Variants in CCDC160 observed in about 807,000 individuals in gnomAD.
CCDC160 encodes the protein coiled-coil domain-containing protein 160.
For synonymous variants in CCDC160, 94 were observed against 79.4 expected, an observed-to-expected ratio of 1.18 and a Z score of -0.98; for missense variants, 227 against 215.6, an observed-to-expected ratio of 1.05 and a Z score of -0.33.
chrX:134,244,754 TG>T, intron 1 of CCDC160, 22 bp from the exon 3 acceptor site: 1 of 1,118,051 alleles, frequency 8.9e-7, no homozygotes, highest in Non-Finnish European at 1.2e-6. Context: ...GTGCCTGCCT[TG>T]GTTTTAAATT....
At chrX:134,237,579 G>A (rs2077014113) in intron 1 of CCDC160, among the ~76,000 whole-genome samples, 1 of 111,789 alleles carries the variant, frequency 8.9e-6, no homozygotes, top group South Asian at 3.8e-4. Flanking sequence ...GGCCTCTCCC[G>A]CCGCCCGCCA....
chrX:134,244,914 A>C, exon 2 of CCDC160: 2 of 1,206,035 alleles, frequency 1.7e-6, no homozygotes, highest in Non-Finnish European at 2.2e-6. Flanking sequence ...AAACGACTGC[A>C]GATAGCAGCA....
intron 1 of CCDC160, chrX:134,243,332 G>A (rs180808651): frequency 1.3e-6 from 1 of 747,734 alleles, no homozygotes; most frequent in East Asian, 1.5e-4. Flanking sequence ...CCAAGTAGTT[G>A]CCAGTAGGGA....
At chrX:134,241,767 G>A (rs1035646941) in intron 1 of CCDC160, among the ~76,000 whole-genome samples, 5 of 111,586 alleles carry the variant, frequency 4.5e-5, no homozygotes, top group Non-Finnish European at 9.4e-5. Flanking sequence ...ATTAATAAAT[G>A]TCCACAACTG....
chrX:134,237,404 CAG>C (rs1370255953), intron 1 of CCDC160, 61 bp downstream of exon 1: 1 of 113,269 alleles, frequency 8.8e-6, no homozygotes. Flanking sequence ...TTCCCGGACA[CAG>C]GGGGCGAAGG....
intron 1 of CCDC160, among the ~76,000 whole-genome samples, chrX:134,240,461 G>A (rs1346386312): frequency 9.0e-6 from 1 of 110,605 alleles, no homozygotes; most frequent in African/African-American, 3.3e-5. Context: ...TACTCAACAC[G>A]GGTTGGAGAT....
intron 1 of CCDC160, among the ~76,000 whole-genome samples, chrX:134,241,441 A>AG (rs1207048855): frequency 2.7e-5 from 3 of 112,088 alleles, no homozygotes; most frequent in African/African-American, 9.7e-5. Flanking sequence ...CAAAAAAAAA[A>AG]GTCACCTGAG....
At chrX:134,246,060 AAC>A (rs1354501156), downstream of CCDC160, 6 of 175,993 alleles carry the variant, frequency 3.4e-5, no homozygotes, top group Non-Finnish European at 5.2e-5. Context: ...TTCACTCAAA[AAC>A]ACATAATGAT....
At chrX:134,241,305 G>A (rs765370780) in intron 1 of CCDC160, among the ~76,000 whole-genome samples, 65 of 111,554 alleles carry the variant, frequency 5.8e-4, no homozygotes, top group Non-Finnish European at 1.0e-3. Context: ...GTTACATCAT[G>A]TTATATATAA....
At chrX:134,244,642 C>A in intron 1 of CCDC160, 135 bp from the exon 3 acceptor site, 1 of 535,229 alleles carries the variant, frequency 1.9e-6, no homozygotes, top group East Asian at 4.1e-5. Flanking sequence ...CCAAGCCATT[C>A]AGTGAGTTAG....
rs1327240427 is a variant in CCDC160 at position 134,245,456 on chromosome X, A to G, written c.656A>G (p.Asn219Ser). ...TCTGAAAAAGCAACAAATGTAAAAA[A>G]CTTAAGTGAACAGCTCCAGCAAGCC... The change falls in exon 2 of 2, where the codon AAC becomes AGC. Residue 219 changes from asparagine (N) to serine (S), a missense_variant. Coordinates refer to ENST00000370809, the Ensembl canonical transcript of CCDC160. The G allele has an allele frequency of 2.5e-6, 3 of 1,183,405 alleles. No homozygotes were observed. The Admixed American group carries it at 7.4e-5, about 29-fold the overall frequency.
In CCDC160 at chrX:134,245,356, C is replaced by T. The variant is rs370040944; in HGVS notation, c.556C>T (p.Pro186Ser). 14 of 1,189,390 alleles carry T rather than the reference C, an allele frequency of 1.2e-5. No individual in the cohort carries two copies. In the African/African-American group the frequency reaches 2.3e-4, roughly 20 times the overall value. ...CTACAAAAAAGAAATATTCACAAAACCCCTAAATTTTCAAGAAACAGAGAC... is the reference window on the plus strand; with the variant it reads ...CTACAAAAAAGAAATATTCACAAAATCCCTAAATTTTCAAGAAACAGAGAC... The change falls in exon 2 of 2, where the codon CCC becomes TCC. Residue 186 changes from proline (P) to serine (S), a missense_variant. Transcript: ENST00000370809.
At chrX:134,238,447 A>G (rs757691784) in intron 1 of CCDC160, among the ~76,000 whole-genome samples, 1 of 94,453 alleles carries the variant, frequency 1.1e-5, no homozygotes, top group East Asian at 3.2e-4. Flanking sequence ...ATTTCGGCTC[A>G]CTGCAACCTT....
At chrX:134,245,025 A>G (rs1328385072) in exon 2 of CCDC160, 9 of 1,178,200 alleles carry the variant, frequency 7.6e-6, no homozygotes, top group Non-Finnish European at 1.0e-5. Flanking sequence ...AAATAGAACA[A>G]GAACAAAATT....
intron 1 of CCDC160, chrX:134,243,448 T>C (rs2077033275): frequency 2.3e-6 from 1 of 439,831 alleles, no homozygotes; most frequent in South Asian, 1.2e-4. Context: ...TCATTGCTCA[T>C]AGTAAGGAAA....
chrX:134,237,525 G>C (rs936405320), intron 1 of CCDC160, among the ~76,000 whole-genome samples, 182 bp downstream of exon 1: 5 of 111,853 alleles, frequency 4.5e-5, no homozygotes, highest in Non-Finnish European at 9.4e-5. Context: ...GGAGGGAAAG[G>C]ACCAGGACGT....
intron 1 of CCDC160, among the ~76,000 whole-genome samples, chrX:134,242,906 G>A (rs1317892860): frequency 2.7e-5 from 3 of 110,881 alleles, no homozygotes; most frequent in Non-Finnish European, 3.8e-5. Flanking sequence ...TAATTGTTGG[G>A]TAAAAATTTG....
Position 134,244,400 on chromosome X carries a change from G to A in CCDC160, c.-24-377G>A, listed in dbSNP as rs907934303. Among the ~76,000 whole-genome samples, 12 of 112,322 alleles carry A rather than the reference G, an allele frequency of 1.1e-4. No individual in the cohort carries two copies. In the East Asian group the frequency reaches 2.8e-3, roughly 26 times the overall value. On this transcript the variant is annotated intron_variant, in intron 1 of 1. Transcript: ENST00000370809. ...GGCATCAGACACATTGAAAGCACAG[G>A]TATTACCAACATTAACCTATTAATT...
intron 1 of CCDC160, among the ~76,000 whole-genome samples, chrX:134,243,113 A>G (rs1039099351): frequency 1.8e-5 from 2 of 111,797 alleles, no homozygotes; most frequent in African/African-American, 6.5e-5. Context: ...TGGAATAATG[A>G]AAGTCAGAAA....
Sources: allele counts gnomAD v4.1 joint callset (sites outside exome capture counted in the v4.1 genomes callset), GRCh38; gene constraint gnomAD v4.1.1; transcripts MANE v1.5; gene names NCBI Gene and HGNC (gene_info 2026-07-23, HGNC 2026-07-21).